The following MUC17 variants were observed in gnomAD, a reference collection of about 807,000 sequenced individuals.
MUC17 encodes mucin 17, cell surface associated.
A neutral mutation model predicts 170.3 loss-of-function variants in MUC17; 190 were observed. That is an observed-to-expected ratio of 1.12 (90% CI 0.99 to 1.26). MUC17 has a LOEUF of 1.26. Ranked by LOEUF, MUC17 falls within the 50% of genes most tolerant of loss-of-function variation. The pLI is 0.00. For missense variants in MUC17, 6,415 were observed against 5,530.0 expected (o/e 1.16, Z -5.08); for synonymous variants, 2,325 against 2,002.5 (o/e 1.16, Z -4.30).
At chr7:101,053,282 G>T in intron 10 of MUC17, 57 bp from the exon 11 acceptor site, 1 of 1,585,382 alleles carries the variant, frequency 6.3e-7, no homozygotes, top group South Asian at 1.1e-5. Flanking sequence ...GCTTGTCCCT[G>T]GTCCTTATTC....
rs1475578604 is a variant in MUC17 at position 101,039,886 on chromosome 7, A to C, written c.8470A>C (p.Ser2824Arg). The change falls in exon 3 of 13, where the codon AGT becomes CGT. Residue 2824 changes from serine (S) to arginine (R), a missense_variant. Ser to Arg is a moderately radical substitution (Grantham distance 110). Coordinates refer to ENST00000306151, the MANE Select transcript of MUC17 (RefSeq NM_001040105.2). The part of the protein sequence containing the change: ...SMPVNHTPVA[S>R]SEAGTLSTTP... ...GCCTGTCAACCACACGCCAGTGGCC[A>C]GTTCTGAGGCTGGCACCCTTTCAAC... 1.2e-6 allele frequency: 2 copies of C among 1,612,558 alleles called. No homozygotes were observed. The highest frequency in any genetic ancestry group is 8.5e-7 in the Non-Finnish European group (1 of 1,179,616).
intron 1 of MUC17, among the ~76,000 whole-genome samples, chr7:101,027,897 A>G (rs982889242): frequency 2.6e-5 from 4 of 151,866 alleles, no homozygotes; most frequent in Non-Finnish European, 5.9e-5. Context: ...TCGGCCTCTC[A>G]AGTAGCTGGT....
intron 9 of MUC17, 57 bp downstream of exon 9, chr7:101,052,019 C>A: frequency 3.2e-6 from 5 of 1,564,020 alleles, no homozygotes; most frequent in Non-Finnish European, 4.3e-6. Context: ...CTCCCCTCCC[C>A]TGCAGGGCTT....
rs1794269434 is a variant in MUC17, at chr7:101,031,031, T to C, written c.83-89T>C. The C allele has an allele frequency of 4.1e-6, 6 of 1,454,546 alleles. No individual in the cohort carries two copies. In the South Asian group the frequency reaches 7.8e-5, roughly 19 times the overall value. 90.1% of individuals were successfully genotyped at this position (1,454,546 alleles called of 1,614,324 possible). ...AGGCTGGTTCAGGGGCCAGGGACTT[T>C]CCAGGGCAGGGAGTAGAGACTCAGA... On this transcript the variant is annotated intron_variant, in intron 1 of 12. Coordinates refer to ENST00000306151, the MANE Select transcript of MUC17 (RefSeq NM_001040105.2).
Position 101,033,360 on chromosome 7 carries a change from C to A in MUC17, c.1944C>A (p.Thr648=), listed in dbSNP as rs747199805. ...TGGTGGCCAGTTCTGAGGCTAGCAC[C>A]CTTTCAACAACTCCTGTTGACTCCA... ...TTLVASSEAS[T]LSTTPVDSNT... is the part of the protein sequence containing the mutation. Residue 648 remains threonine (T), a synonymous_variant, in exon 3 of 13, where the codon ACC becomes ACA. Transcript: ENST00000306151. 1 of 1,613,854 alleles carries A rather than the reference C, an allele frequency of 6.2e-7. No homozygotes were observed. Among genetic ancestry groups the A allele is most frequent in the Non-Finnish European group, 8.5e-7 (1 of 1,179,796 alleles).
Position 101,037,346 on chromosome 7 carries a change from C to A in MUC17, c.5930C>A (p.Thr1977Asn), listed in dbSNP as rs767661213. The part of the protein sequence containing the change: ...PTTADGTSMP[T>N]PAYSEGSTPL... ...ACTGCTGATGGTACCAGCATGCCAA[C>A]CCCAGCTTATAGTGAAGGAAGCACT... Residue 1977 changes from threonine (T) to asparagine (N), a missense_variant, in exon 3 of 13, where the codon ACC (threonine) becomes AAC (asparagine). Transcript: ENST00000306151. 6.2e-7 allele frequency: 1 copy of A among 1,614,150 alleles called. No individual in the cohort carries two copies. The highest frequency in any genetic ancestry group is 2.2e-5 in the East Asian group (1 of 44,876).
intron 1 of MUC17, among the ~76,000 whole-genome samples, chr7:101,029,724 G>A (rs976157737): frequency 2.6e-5 from 4 of 151,532 alleles, no homozygotes; most frequent in South Asian, 4.2e-4. Flanking sequence ...TCAGCCTCCC[G>A]AGTAGCTGGG....
chr7:101,033,445 A>C lies in MUC17; in HGVS notation c.2029A>C (p.Ser677Arg). 6.2e-7 allele frequency: 1 copy of C among 1,613,550 alleles called. No individual in the cohort carries two copies. The highest frequency in any genetic ancestry group is 8.5e-7 in the Non-Finnish European group (1 of 1,179,744). Residue 677 changes from serine to arginine, a missense_variant, in exon 3 of 13, where the codon AGC becomes CGC. By Grantham distance (110) the Ser-to-Arg change is moderately radical. Transcript: ENST00000306151. ...ATCTTCTACAACTGCGGAAGGTACC[A>C]GCATGCCAACCTCAACTTATACTGA... ...TSSSTTAEGT[S>R]MPTSTYTEGS...
chr7:101,041,988 C>A lies in MUC17; in HGVS notation c.10572C>A (p.Val3524=), dbSNP rs756916247. 1.9e-6 allele frequency: 3 copies of A among 1,613,636 alleles called. No individual in the cohort carries two copies. The highest frequency in any genetic ancestry group is 2.5e-6 in the Non-Finnish European group (3 of 1,179,614). Residue 3524 remains valine (V), a synonymous_variant, in exon 3 of 13, where the codon GTC becomes GTA. Coordinates refer to ENST00000306151, the MANE Select transcript of MUC17 (RefSeq NM_001040105.2). The part of the protein sequence containing the change: ...EGSTPLTNMP[V]STTPVASSEA... ...GCACTCCATTAACAAATATGCCTGT[C>A]AGCACCACACCGGTGGCCAGTTCTG...
rs201613156 is a variant in MUC17, at chr7:101,041,756, G to C, written c.10340G>C (p.Ser3447Thr). Residue 3447 changes from serine to threonine, a missense_variant, in exon 3 of 13, where the codon AGC becomes ACC. Transcript: ENST00000306151. ...TCTCCTACAATCGCTGAAGGTACCA[G>C]CTTGCCAACCTCAACTACTAGTGAA... Reference protein sequence around the residue: ...SSSPTIAEGTSLPTSTTSEGS... With the variant: ...SSSPTIAEGTTLPTSTTSEGS... The C allele has an allele frequency of 1.0e-4, 163 of 1,613,370 alleles. No homozygotes were observed. In the East Asian group the frequency reaches 2.4e-3, roughly 23 times the overall value.
In MUC17 at chr7:101,034,293, T is replaced by A; in HGVS notation, c.2877T>A (p.Thr959=). The A allele has an allele frequency of 6.2e-7, 1 of 1,610,126 alleles. No homozygotes were observed. Among genetic ancestry groups the A allele is most frequent in the East Asian group, 2.3e-5 (1 of 44,238 alleles). ...CCAGCACACCTGTGACCACTTCTACTGAAGCCACTTCATCTCCTACAACTG... is the reference window on the plus strand; with the variant it reads ...CCAGCACACCTGTGACCACTTCTACAGAAGCCACTTCATCTCCTACAACTG... ...VDTSTPVTTS[T]EATSSPTTAE... The change falls in exon 3 of 13, where the codon ACT becomes ACA. Residue 959 remains threonine (T), a synonymous_variant. Coordinates refer to ENST00000306151, the MANE Select transcript of MUC17 (RefSeq NM_001040105.2).
rs911338208 is a variant in MUC17 at position 101,033,926 on chromosome 7, T to G, written c.2510T>G (p.Val837Gly). Reference protein sequence around the residue: ...STTPVDSNSPVTTSTEVSSSP... With the variant: ...STTPVDSNSPGTTSTEVSSSP... The stretch of plus-strand genomic sequence containing the variant: ...ACTCCTGTTGACTCCAACAGTCCTG[T>G]GACCACTTCTACTGAAGTCAGTTCA... Residue 837 changes from valine to glycine, a missense_variant, in exon 3 of 13, where the codon GTG becomes GGG. By Grantham distance (109) the Val-to-Gly change is moderately radical. Transcript: ENST00000306151. 1 of 1,613,690 alleles carries G rather than the reference T, an allele frequency of 6.2e-7. No individual in the cohort carries two copies. The highest frequency in any genetic ancestry group is 8.5e-7 in the Non-Finnish European group (1 of 1,179,852).
chr7:101,037,946 C>G lies in MUC17; in HGVS notation c.6530C>G (p.Ala2177Gly), dbSNP rs1794543772. Residue 2177 changes from alanine (A) to glycine (G), a missense_variant, in exon 3 of 13, where the codon GCA becomes GGA. By Grantham distance (60) the Ala-to-Gly change is moderately conservative. Coordinates refer to ENST00000306151, the MANE Select transcript of MUC17 (RefSeq NM_001040105.2). ...PVSTTVVASS[A>G]ISTLSTTPVD... Reference sequence around the variant, plus strand: ...AGCACCACAGTGGTGGCCAGTTCTGCAATCAGCACCCTTTCAACAACTCCT... The same window carrying G: ...AGCACCACAGTGGTGGCCAGTTCTGGAATCAGCACCCTTTCAACAACTCCT... 2 of 1,598,698 alleles carry G rather than the reference C, an allele frequency of 1.3e-6. No individual in the cohort carries two copies. The highest frequency in any genetic ancestry group is 3.4e-5 in the Admixed American group (2 of 58,088).
chr7:101,034,132 C>A lies in MUC17; in HGVS notation c.2716C>A (p.Pro906Thr). The change falls in exon 3 of 13, where the codon CCT becomes ACT. Residue 906 changes from proline (P) to threonine (T), a missense_variant. Coordinates refer to ENST00000306151, the MANE Select transcript of MUC17 (RefSeq NM_001040105.2). ...VTNSTEARSS[P>T]TTSEGTSMPT... ...CAATTCTACTGAAGCCCGTTCGTCT[C>A]CTACAACTTCTGAAGGTACCAGCAT... 4 of 1,585,168 alleles carry A rather than the reference C, an allele frequency of 2.5e-6. No individual in the cohort carries two copies. The highest frequency in any genetic ancestry group is 2.6e-6 in the Non-Finnish European group (3 of 1,164,760).
Position 101,039,263 on chromosome 7 carries a change from C to T in MUC17, c.7847C>T (p.Thr2616Ile). The T allele has an allele frequency of 1.2e-6, 2 of 1,613,480 alleles. No homozygotes were observed. The highest frequency in any genetic ancestry group is 1.7e-6 in the Non-Finnish European group (2 of 1,179,716). The change falls in exon 3 of 13, where the codon ACA becomes ATA. Residue 2616 changes from threonine to isoleucine, a missense_variant. Physicochemically the swap from Thr to Ile is moderately conservative, Grantham distance 89. Coordinates refer to ENST00000306151, the MANE Select transcript of MUC17 (RefSeq NM_001040105.2). ...TTSTETSSSP[T>I]TAKDTSMPIS... Reference sequence around the variant, plus strand: ...TCTACTGAAACCAGTTCATCTCCTACAACTGCAAAAGATACCAGCATGCCA... The same window carrying T: ...TCTACTGAAACCAGTTCATCTCCTATAACTGCAAAAGATACCAGCATGCCA...
In MUC17 at chr7:101,041,170, C is replaced by T. The variant is rs1562817011; in HGVS notation, c.9754C>T (p.Pro3252Ser). The part of the protein sequence containing the change: ...LSTTPVDSNT[P>S]LTTSTEASSS... ...AACAACTCCTGTTGACTCCAACACT[C>T]CTTTGACCACTTCTACTGAAGCCAG... Residue 3252 changes from proline (P) to serine (S), a missense_variant, in exon 3 of 13, where the codon CCT becomes TCT. Physicochemically the swap from Pro to Ser is moderately conservative, Grantham distance 74 (BLOSUM62 -1). Transcript: ENST00000306151. 1 of 1,612,128 alleles carries T rather than the reference C, an allele frequency of 6.2e-7. No individual in the cohort carries two copies. Among genetic ancestry groups the T allele is most frequent in the Admixed American group, 1.7e-5 (1 of 59,802 alleles).
At chr7:101,022,635 G>C (rs1368381591) in intron 1 of MUC17, among the ~76,000 whole-genome samples, 22 of 152,076 alleles carry the variant, frequency 1.4e-4, no homozygotes, top group African/African-American at 5.3e-4. Context: ...GACCATCCTG[G>C]GCAACATAGC....
rs750155265 is a variant in MUC17 at position 101,041,816 on chromosome 7, C to A, written c.10400C>A (p.Thr3467Asn). 6 of 1,613,978 alleles carry A rather than the reference C, an allele frequency of 3.7e-6. No homozygotes were observed. In the South Asian group the frequency reaches 5.5e-5, roughly 15 times the overall value. Reference sequence around the variant, plus strand: ...CCATTATCAATTATGCCTCTCAGTACCACGCCGGTGGCCAGTTCTGAGGCT... The same window carrying A: ...CCATTATCAATTATGCCTCTCAGTAACACGCCGGTGGCCAGTTCTGAGGCT... ...STPLSIMPLS[T>N]TPVASSEAST... The change falls in exon 3 of 13, where the codon ACC (threonine) becomes AAC (asparagine). Residue 3467 changes from threonine to asparagine, a missense_variant. Transcript: ENST00000306151.
chr7:101,039,836 A>C lies in MUC17; in HGVS notation c.8420A>C (p.Glu2807Ala). 6.2e-7 allele frequency: 1 copy of C among 1,610,606 alleles called. No individual in the cohort carries two copies. Among genetic ancestry groups the C allele is most frequent in the South Asian group, 1.1e-5 (1 of 90,984 alleles). ...AGCATGCCAACCTCAACTCCTAGTGAAACAAGTACTCCATTAACTAGTATG... is the reference window on the plus strand; with the variant it reads ...AGCATGCCAACCTCAACTCCTAGTGCAACAAGTACTCCATTAACTAGTATG... Reference protein sequence around the residue: ...VTSMPTSTPSETSTPLTSMPV... With the variant: ...VTSMPTSTPSATSTPLTSMPV... Residue 2807 changes from glutamate to alanine, a missense_variant, in exon 3 of 13, where the codon GAA (glutamate) becomes GCA (alanine). Glu to Ala is a moderately radical substitution (Grantham distance 107, BLOSUM62 -1). Coordinates refer to ENST00000306151, the MANE Select transcript of MUC17 (RefSeq NM_001040105.2).
Sources: allele counts gnomAD v4.1 joint callset (sites outside exome capture counted in the v4.1 genomes callset), GRCh38; gene constraint gnomAD v4.1.1; transcripts MANE v1.5; gene names NCBI Gene and HGNC (gene_info 2026-07-23, HGNC 2026-07-21).